Variants in FAF1 observed in about 807,000 individuals in gnomAD.
FAF1 encodes the protein Fas associated factor 1, also known as FAS-associated factor 1.
Under a neutral mutation model 92.5 loss-of-function variants are expected in FAF1, and 25 were observed. The observed-to-expected ratio is 0.27, with a 90% confidence interval of 0.20 to 0.38. The LOEUF (loss-of-function observed/expected upper bound fraction) is 0.38, where lower values mean the gene tolerates loss of function less well. Ranked by LOEUF, FAF1 falls within the 10% of genes least tolerant of loss-of-function variation. The probability of loss-of-function intolerance (pLI) is 1.00; values close to 1 mark genes in which losing one functional copy is unlikely to be tolerated. For synonymous variants in FAF1, 234 were observed against 273.2 expected, an observed-to-expected ratio of 0.86 and a Z score of 1.42; for missense variants, 636 against 793.3, an observed-to-expected ratio of 0.80 and a Z score of 2.38.
chr1:50,957,845 T>A (rs1645281737), intron 1 of FAF1, among the ~76,000 whole-genome samples: 1 of 152,224 alleles, frequency 6.6e-6, no homozygotes, highest in Non-Finnish European at 1.5e-5. Flanking sequence ...AAGTTATAAT[T>A]ACTTTATAAA....
chr1:50,534,808 T>C (rs1413552987), intron 15 of FAF1, among the ~76,000 whole-genome samples: 2 of 152,200 alleles, frequency 1.3e-5, no homozygotes, highest in Non-Finnish European at 2.9e-5. Context: ...ATAATGTTTT[T>C]ATTATTATTT....
At chr1:50,865,895 G>C (rs1644477872) in intron 1 of FAF1, among the ~76,000 whole-genome samples, 1 of 146,620 alleles carries the variant, frequency 6.8e-6, no homozygotes, top group Non-Finnish European at 1.5e-5. Flanking sequence ...CCATTACCGA[G>C]ATTAACCAAA....
At chr1:50,670,567 G>A (rs566192210) in intron 7 of FAF1, among the ~76,000 whole-genome samples, 2 of 152,214 alleles carry the variant, frequency 1.3e-5, no homozygotes, top group Non-Finnish European at 2.9e-5. Flanking sequence ...TATAAAGGTA[G>A]AAATACTGCA....
chr1:50,816,526 T>G (rs1403476570), intron 2 of FAF1, among the ~76,000 whole-genome samples: 1 of 152,178 alleles, frequency 6.6e-6, no homozygotes, highest in African/African-American at 2.4e-5. Flanking sequence ...TTAACGGGGC[T>G]ATTTGTTTTT....
At position 50,583,178 on chromosome 1, in the gene FAF1, C is replaced by T. The variant is rs1002851205; in HGVS notation, c.1031+474G>A. 4.6e-5 allele frequency among the ~76,000 whole-genome samples: 7 copies of T among 151,542 alleles called. No individual in the cohort carries two copies. The highest frequency in any genetic ancestry group is 1.9e-4 in the East Asian group (1 of 5,186). ...ATTAATTCTCTTTATATTTGAATAC[C>T]TCAGCAGACTCTCAAATGCATATAA... On this transcript the variant is annotated intron_variant, in intron 11 of 18. Coordinates refer to ENST00000396153, the MANE Select transcript of FAF1 (RefSeq NM_007051.3). The surrounding 1 kb of genome is among the most constrained non-coding windows in gnomAD (Gnocchi z 4.2).
At chr1:50,513,247 AG>A in intron 15 of FAF1, among the ~76,000 whole-genome samples, 1 of 152,344 alleles carries the variant, frequency 6.6e-6, no homozygotes, top group Middle Eastern at 3.4e-3. Flanking sequence ...TGGGAGGCCA[AG>A]GCGGGCAGAT....
At chr1:50,731,571 T>A (rs1658925463) in intron 6 of FAF1, among the ~76,000 whole-genome samples, 1 of 152,052 alleles carries the variant, frequency 6.6e-6, no homozygotes, top group East Asian at 1.9e-4. Context: ...GGTTTCACTA[T>A]GTTAGCCAGG....
chr1:50,451,989 G>C (rs2148980493), intron 18 of FAF1: 1 of 1,193,368 alleles, frequency 8.4e-7, no homozygotes, highest in Non-Finnish European at 1.1e-6. Context: ...CCTTGATGGT[G>C]GCTTTGGTCA....
rs146514804 is a variant in FAF1 at position 50,677,871 on chromosome 1, C to T, written c.658-22343G>A. ...GATTACACCATTGCACTCCAGTCTGCGCAACAAGAACAAAACTCTGCCTCA... is the reference window on the plus strand; with the variant it reads ...GATTACACCATTGCACTCCAGTCTGTGCAACAAGAACAAAACTCTGCCTCA... On this transcript the variant is annotated intron_variant, in intron 7 of 18. Transcript: ENST00000396153. 3.0e-5 allele frequency among the ~76,000 whole-genome samples: 4 copies of T among 134,594 alleles called. No homozygotes were observed. The South Asian group carries it at 6.9e-4, about 23-fold the overall frequency. The allele number at this position is 134,594 out of a possible 152,430, so 88.3% of individuals were successfully genotyped here.
chr1:50,754,277 A>G (rs1044151128), intron 4 of FAF1, among the ~76,000 whole-genome samples: 1 of 152,198 alleles, frequency 6.6e-6, no homozygotes, highest in Middle Eastern at 3.2e-3. Context: ...CTTAGACACA[A>G]TTTAATCCTT....
At chr1:50,954,424 C>T (rs975065826) in intron 1 of FAF1, among the ~76,000 whole-genome samples, 1 of 152,028 alleles carries the variant, frequency 6.6e-6, no homozygotes, top group Non-Finnish European at 1.5e-5. Context: ...TGCCTATAAT[C>T]TCAGCACTCT....
chr1:50,720,291 T>C (rs1245670414), intron 6 of FAF1, among the ~76,000 whole-genome samples: 1 of 152,150 alleles, frequency 6.6e-6, no homozygotes, highest in East Asian at 1.9e-4. Context: ...GGCCCCTTAT[T>C]AAAAAACATT....
chr1:50,555,127 G>C (rs565642937), intron 13 of FAF1, among the ~76,000 whole-genome samples: 1 of 152,168 alleles, frequency 6.6e-6, no homozygotes, highest in Admixed American at 6.5e-5. Flanking sequence ...GGAGGCTGAA[G>C]TGAGAGGATC....
At chr1:50,681,195 T>G (rs1656405503) in intron 7 of FAF1, among the ~76,000 whole-genome samples, 2 of 152,018 alleles carry the variant, frequency 1.3e-5, no homozygotes, top group Admixed American at 6.6e-5. Context: ...TACAGGTGCC[T>G]GCAACCACAC....
In FAF1 at chr1:50,900,370, G is replaced by A. The variant is rs192496943; in HGVS notation, c.46-42373C>T. Among the ~76,000 whole-genome samples, 330 of 152,202 alleles carry A rather than the reference G, an allele frequency of 2.2e-3. 3 individuals carry two copies. The highest frequency in any genetic ancestry group is 7.9e-3 in the African/African-American group (327 of 41,524). On this transcript the variant is annotated intron_variant, in intron 1 of 18. Coordinates refer to ENST00000396153, the MANE Select transcript of FAF1 (RefSeq NM_007051.3). Reference sequence around the variant, plus strand: ...CTCTTCAATTATTCTAATCTTTGGGGAAATTAAGGTGTTTTTTGTTGCAAT... The same window carrying A: ...CTCTTCAATTATTCTAATCTTTGGGAAAATTAAGGTGTTTTTTGTTGCAAT...
At chr1:50,543,947 G>A (rs190270024) in intron 13 of FAF1, among the ~76,000 whole-genome samples, 111 of 152,256 alleles carry the variant, frequency 7.3e-4, no homozygotes, top group African/African-American at 2.6e-3. Context: ...GGTCAAGGGG[G>A]AAGTGGATCC....
intron 2 of FAF1, among the ~76,000 whole-genome samples, chr1:50,857,148 A>G (rs1002593302): frequency 6.6e-6 from 1 of 151,818 alleles, no homozygotes; most frequent in African/African-American, 2.4e-5. Context: ...TGAGTTTAAA[A>G]AAGTATTAAG....
At chr1:50,823,964 A>T (rs190277463) in intron 2 of FAF1, among the ~76,000 whole-genome samples, 45 of 152,176 alleles carry the variant, frequency 3.0e-4, no homozygotes, top group East Asian at 1.9e-4. Context: ...TTAGATTTTT[A>T]AAAAATGCTT....
At chr1:50,939,280 G>A (rs1008718947) in intron 1 of FAF1, among the ~76,000 whole-genome samples, 6 of 151,994 alleles carry the variant, frequency 3.9e-5, no homozygotes, top group African/African-American at 9.7e-5. Flanking sequence ...AGATTTTCAC[G>A]TCCTTGGTTA....
Sources: gnomAD v4.1 joint callset for allele counts (sites outside exome capture counted in the v4.1 genomes callset) on GRCh38, gnomAD v4.1.1 for gene constraint, Gnocchi (gnomAD v3.1) non-coding constraint, MANE v1.5 for transcripts, NCBI Gene and HGNC (gene_info 2026-07-23, HGNC 2026-07-21) for gene names.